PCBP2: variants seen among roughly 807,000 people sequenced by gnomAD.
The protein encoded by PCBP2 is poly(rC) binding protein 2, also known as poly(rC)-binding protein 2.
Under a neutral mutation model 50.1 loss-of-function variants are expected in PCBP2, and 4 were observed. The observed-to-expected ratio is 0.08, with a 90% CI of 0.04 to 0.18. The LOEUF (loss-of-function observed/expected upper bound fraction) is 0.18. Among genes scored for constraint, PCBP2 ranks in the 10% least tolerant of loss-of-function variants. PCBP2 has a pLI of 1.00. For missense variants in PCBP2, 161 were observed against 474.3 expected (o/e 0.34, Z 6.14); for synonymous variants, 179 against 168.0 (o/e 1.07, Z -0.51).
intron 5 of PCBP2, among the ~76,000 whole-genome samples, chr12:53,456,527 T>G (rs1040263495): frequency 6.6e-6 from 1 of 152,092 alleles, no homozygotes; most frequent in Non-Finnish European, 1.5e-5. Flanking sequence ...TATAAATAAT[T>G]TGCGTGAAAA....
At chr12:53,473,825 A>T (rs540917102) in intron 14 of PCBP2, among the ~76,000 whole-genome samples, 26 of 148,534 alleles carry the variant, frequency 1.8e-4, no homozygotes, top group Admixed American at 8.1e-4. Flanking sequence ...GATTCTGAGC[A>T]TTTTCTCCTG....
chr12:53,455,146 T>TC (rs1203392131), intron 2 of PCBP2, among the ~76,000 whole-genome samples: 8 of 152,276 alleles, frequency 5.3e-5, no homozygotes, highest in Non-Finnish European at 4.4e-5. Flanking sequence ...GCAAGTCCAC[T>TC]CCCCCCAATA....
intron 6 of PCBP2, chr12:53,459,932 A>T (rs1417324101): frequency 2.3e-5 from 10 of 443,538 alleles, no homozygotes; most frequent in Admixed American, 7.3e-5. Context: ...AAATTTTTGT[A>T]TTTTTTTGTA....
At chr12:53,467,777 A>G (rs1476531336) in intron 11 of PCBP2, 28 bp from the exon 12 acceptor site, 2 of 1,599,104 alleles carry the variant, frequency 1.3e-6, no homozygotes, top group Non-Finnish European at 1.7e-6. Context: ...TGAGACCACC[A>G]AACTCATTTT....
At chr12:53,470,608 G>A (rs1024037927) in intron 13 of PCBP2, among the ~76,000 whole-genome samples, 2 of 151,648 alleles carry the variant, frequency 1.3e-5, no homozygotes, top group Non-Finnish European at 2.9e-5. Flanking sequence ...CAAGAGTTTC[G>A]CCATGAAACT....
intron 14 of PCBP2, among the ~76,000 whole-genome samples, chr12:53,478,805 CAAT>C (rs147166349): frequency 0.12 from 17,794 of 151,954 alleles, 1,199 homozygotes; most frequent in Non-Finnish European, 0.16. Context: ...GACTCTGTCT[CAAT>C]AAATAAGTAA....
intron 7 of PCBP2, among the ~76,000 whole-genome samples, chr12:53,462,060 G>A (rs1941488348): frequency 1.3e-5 from 2 of 152,066 alleles, no homozygotes; most frequent in Admixed American, 1.3e-4. Context: ...TTGAGCCTTT[G>A]AACTATTTAT....
intron 7 of PCBP2, 30 bp downstream of exon 7, chr12:53,461,173 G>T (rs1399251692): frequency 1.2e-6 from 2 of 1,611,438 alleles, no homozygotes; most frequent in South Asian, 1.1e-5. Context: ...CTGAAAATGG[G>T]GGGAGGGCCA....
At chr12:53,464,968 TC>T in intron 9 of PCBP2, 116 bp downstream of exon 9, 1 of 1,333,624 alleles carries the variant, frequency 7.5e-7, no homozygotes, top group South Asian at 1.8e-5. Flanking sequence ...ACACCACCTG[TC>T]CACGGGGACC....
chr12:53,456,265 G>A (rs1001192818), intron 5 of PCBP2, among the ~76,000 whole-genome samples: 9 of 151,908 alleles, frequency 5.9e-5, no homozygotes, highest in African/African-American at 1.5e-4. Context: ...TCAGGAGTTC[G>A]AGACCAACAT....
rs138035823 is a variant in PCBP2, at chr12:53,467,852, TAA to T, written c.826+21_826+22del. 1,279 of 1,359,616 alleles carry T rather than the reference TAA, an allele frequency of 9.4e-4. No individual in the cohort carries two copies. The highest frequency in any genetic ancestry group is 1.4e-3 in the South Asian group (109 of 80,270). 84.2% of individuals were successfully genotyped at this position (1,359,616 alleles called of 1,614,324 possible). On this transcript the variant is annotated intron_variant, in intron 12 of 14. Coordinates refer to ENST00000546463, the MANE Select transcript of PCBP2 (RefSeq NM_031989.5). ...GGTGAAAGGCTATTGGGGTAATGAT[TAA>T]AAAAAAAAAAATCTGTAGTATTCTA...
In PCBP2 at chr12:53,467,124, A is replaced by G. The variant is rs751647020; in HGVS notation, c.715-97A>G. The G allele has an allele frequency of 7.0e-5, 59 of 844,618 alleles. 1 individual carries two copies. Among genetic ancestry groups the G allele is most frequent in the East Asian group, 6.3e-4 (26 of 41,232 alleles). The allele number at this position is 844,618 out of a possible 1,614,324, so 52.3% of individuals were successfully genotyped here. On this transcript the variant is annotated intron_variant, in intron 10 of 14. Transcript: ENST00000546463. ...TGTTGTAGTTTGAGTAGTAGAGTCA[A>G]TTTTGGGAATCAGGACCTGCATTTT...
intron 2 of PCBP2, 91 bp from the exon 3 acceptor site, chr12:53,455,256 A>C (rs1940912752): frequency 2.5e-6 from 3 of 1,224,100 alleles, no homozygotes; most frequent in Middle Eastern, 5.6e-4. Flanking sequence ...ATACTTCATT[A>C]GAACATGTAG....
intron 5 of PCBP2, among the ~76,000 whole-genome samples, chr12:53,458,304 T>TTTTTG (rs3049329): frequency 3.3e-5 from 5 of 151,194 alleles, no homozygotes; most frequent in African/African-American, 1.2e-4. Flanking sequence ...TTTGTTTTTG[T>TTTTTG]TTTTGTTTTG....
chr12:53,465,059 A>C, intron 9 of PCBP2: 2 of 385,626 alleles, frequency 5.2e-6, no homozygotes, highest in South Asian at 1.7e-4. Flanking sequence ...TTTTTTTTTA[A>C]TTTTTTTTTT....
intron 12 of PCBP2, 144 bp downstream of exon 12, chr12:53,467,987 G>GC: frequency 1.5e-6 from 1 of 675,724 alleles, no homozygotes. Flanking sequence ...TGGGCCTGGA[G>GC]CCCCCGAGGG....
In PCBP2 at chr12:53,456,013, C is replaced by G; in HGVS notation, c.243+12C>G. 1 of 1,430,346 alleles carries G rather than the reference C, an allele frequency of 7.0e-7. No homozygotes were observed. Among genetic ancestry groups the G allele is most frequent in the Non-Finnish European group, 9.9e-7 (1 of 1,013,180 alleles). The allele number at this position is 1,430,346 out of a possible 1,614,324, so 88.6% of individuals were successfully genotyped here. ...ACAAACTGGAAGAGGTTTGTTGTCT[C>G]CCACTCCCTCATTCTTCATTTTTAA... On this transcript the variant is annotated intron_variant, in intron 5 of 14. Coordinates refer to ENST00000546463, the MANE Select transcript of PCBP2 (RefSeq NM_031989.5).
At chr12:53,479,147 G>A (rs908423996) in intron 14 of PCBP2, among the ~76,000 whole-genome samples, 1 of 152,150 alleles carries the variant, frequency 6.6e-6, no homozygotes, top group Admixed American at 6.5e-5. Context: ...CCACCATGGA[G>A]GTGGAACTAA....
At chr12:53,475,247 T>C (rs1401458234) in intron 14 of PCBP2, 2 of 436,776 alleles carry the variant, frequency 4.6e-6, no homozygotes, top group Admixed American at 2.5e-5. Flanking sequence ...TCCTCCAGTA[T>C]TATTTTGTTC....
Sources: allele counts gnomAD v4.1 joint callset (sites outside exome capture counted in the v4.1 genomes callset), GRCh38; gene constraint gnomAD v4.1.1; transcripts MANE v1.5; gene names NCBI Gene and HGNC (gene_info 2026-07-23, HGNC 2026-07-21).